FRMD4A: variants seen among roughly 807,000 people sequenced by gnomAD.
FRMD4A encodes FERM domain-containing protein 4A.
A neutral mutation model predicts 129.1 loss-of-function variants in FRMD4A; 29 were observed. The observed-to-expected ratio is 0.22, with a 90% CI of 0.17 to 0.31. The LOEUF (loss-of-function observed/expected upper bound fraction) is 0.31. FRMD4A is among the 10% of genes least tolerant of loss of function. The probability of loss-of-function intolerance (pLI) is 1.00; values close to 1 mark genes in which losing one functional copy is unlikely to be tolerated. For missense variants in FRMD4A, 1,272 were observed against 1,375.8 expected (o/e 0.92, Z 1.19); for synonymous variants, 634 against 571.6 (o/e 1.11, Z -1.56).
chr10:13,775,208 T>C (rs1192559588), intron 6 of FRMD4A, among the ~76,000 whole-genome samples: 1 of 152,178 alleles, frequency 6.6e-6, no homozygotes, highest in Non-Finnish European at 1.5e-5. Context: ...TAAAAAAGAA[T>C]GCATGTCACG....
intron 4 of FRMD4A, among the ~76,000 whole-genome samples, chr10:13,797,000 G>C (rs184439147): frequency 2.0e-4 from 31 of 152,266 alleles, no homozygotes; most frequent in South Asian, 1.2e-3. Context: ...GATTACAGGC[G>C]TGAGCCACTG....
intron 2 of FRMD4A, chr10:14,008,121 C>A (rs1303710464): frequency 1.5e-6 from 2 of 1,298,884 alleles, no homozygotes; most frequent in East Asian, 1.1e-4. Flanking sequence ...TCTTTGGGAT[C>A]TATTCGGAGC....
intron 2 of FRMD4A, among the ~76,000 whole-genome samples, chr10:14,084,261 C>A (rs954702014): frequency 1.3e-5 from 2 of 152,300 alleles, no homozygotes; most frequent in Admixed American, 6.5e-5. Flanking sequence ...ATTCTCTTCC[C>A]TCAGCCTCCT....
chr10:14,244,067 G>A (rs547758323), intron 2 of FRMD4A, among the ~76,000 whole-genome samples: 2 of 152,294 alleles, frequency 1.3e-5, no homozygotes, highest in East Asian at 3.9e-4. Flanking sequence ...TTCCCCAAAG[G>A]TGAGGGAGCA....
intron 3 of FRMD4A, among the ~76,000 whole-genome samples, chr10:13,846,964 A>G (rs946578008): frequency 6.6e-6 from 1 of 152,302 alleles, no homozygotes; most frequent in African/African-American, 2.4e-5. Context: ...CAGGGTGGCA[A>G]ATGTCTACAC....
intron 5 of FRMD4A, among the ~76,000 whole-genome samples, chr10:13,785,715 G>A (rs747224029): frequency 6.6e-6 from 1 of 152,034 alleles, no homozygotes; most frequent in Non-Finnish European, 1.5e-5. Context: ...TTGGTGTGCT[G>A]CACCTGTTAA....
chr10:13,890,085 G>A (rs1156398691), intron 2 of FRMD4A, among the ~76,000 whole-genome samples: 1 of 152,188 alleles, frequency 6.6e-6, no homozygotes, highest in African/African-American at 2.4e-5. Context: ...GGTTGCAAGA[G>A]ACAAGTAACA....
At position 13,715,492 on chromosome 10, in the gene FRMD4A, C is replaced by T. The variant is rs114336550; in HGVS notation, c.760-8379G>A. On this transcript the variant is annotated intron_variant, in intron 12 of 24. Coordinates refer to ENST00000357447, the MANE Select transcript of FRMD4A (RefSeq NM_018027.5). The stretch of plus-strand genomic sequence containing the variant: ...GTATTCTCAGCAATTGAATTTGTGC[C>T]TTAGTTTTTTCATCTTTGAAATAAT... Among the ~76,000 whole-genome samples the T allele has an allele frequency of 4.8e-3, 727 of 152,282 alleles. 6 individuals carry two copies. The highest frequency in any genetic ancestry group is 0.016 in the African/African-American group (682 of 41,556).
At chr10:13,952,612 C>G (rs2095380470) in intron 2 of FRMD4A, among the ~76,000 whole-genome samples, 1 of 152,200 alleles carries the variant, frequency 6.6e-6, no homozygotes, top group Admixed American at 6.5e-5. Context: ...AGCAGAAATT[C>G]TAGAAGCATG....
chr10:13,675,178 G>A, intron 15 of FRMD4A, 134 bp from the exon 16 acceptor site: 1 of 751,580 alleles, frequency 1.3e-6, no homozygotes, highest in East Asian at 2.5e-5. Flanking sequence ...AATAAAACAG[G>A]TGCTCAGCAC....
intron 2 of FRMD4A, among the ~76,000 whole-genome samples, chr10:14,218,491 T>C (rs1294322412): frequency 3.9e-5 from 6 of 152,206 alleles, no homozygotes; most frequent in Admixed American, 3.9e-4. Context: ...TGAAGTTCTT[T>C]GTATTTACAA....
intron 15 of FRMD4A, chr10:13,693,266 T>C (rs1401496843): frequency 6.1e-6 from 1 of 164,818 alleles, no homozygotes; most frequent in Non-Finnish European, 1.3e-5. Context: ...TTTCAGTAAA[T>C]GACACCCCCC....
chr10:14,047,324 T>A (rs1400848434), intron 2 of FRMD4A, among the ~76,000 whole-genome samples: 1 of 152,172 alleles, frequency 6.6e-6, no homozygotes, highest in Non-Finnish European at 1.5e-5. Flanking sequence ...AATCGGCTGG[T>A]ACCTCACAGT....
intron 2 of FRMD4A, among the ~76,000 whole-genome samples, chr10:13,933,379 G>A (rs1004279004): frequency 2.6e-5 from 4 of 152,086 alleles, no homozygotes; most frequent in Non-Finnish European, 4.4e-5. Context: ...ATTCTGTAAC[G>A]AGGCCCTTGA....
intron 2 of FRMD4A, among the ~76,000 whole-genome samples, chr10:14,070,860 C>T (rs1835285527): frequency 6.6e-6 from 1 of 152,098 alleles, no homozygotes; most frequent in African/African-American, 2.4e-5. Context: ...TTTAAAGATC[C>T]CTGACTTGTT....
chr10:13,682,497 C>CTTTTTTT (rs1170963559), intron 15 of FRMD4A, among the ~76,000 whole-genome samples: 3 of 55,800 alleles, frequency 5.4e-5, no homozygotes, highest in East Asian at 2.8e-4. Flanking sequence ...TTCTTTCTTT[C>CTTTTTTT]TTTTTTTTTT....
At chr10:14,156,320 A>G (rs138493653) in intron 2 of FRMD4A, among the ~76,000 whole-genome samples, 75 of 152,276 alleles carry the variant, frequency 4.9e-4, no homozygotes, top group African/African-American at 1.8e-3. Context: ...ACAATAATAC[A>G]CACCCATTTT....
At chr10:14,071,294 T>C (rs1176085719) in intron 2 of FRMD4A, among the ~76,000 whole-genome samples, 2 of 152,218 alleles carry the variant, frequency 1.3e-5, no homozygotes, top group East Asian at 1.9e-4. Flanking sequence ...TAAATCAGGC[T>C]GGCATCTTGG....
At chr10:13,886,581 T>C (rs930877495) in intron 2 of FRMD4A, among the ~76,000 whole-genome samples, 12 of 152,146 alleles carry the variant, frequency 7.9e-5, no homozygotes, top group African/African-American at 2.9e-4. Flanking sequence ...TTTTTTTTCC[T>C]TTATTTTTAT....
Sources: allele counts gnomAD v4.1 joint callset (sites outside exome capture counted in the v4.1 genomes callset), GRCh38; gene constraint gnomAD v4.1.1; transcripts MANE v1.5; gene names NCBI Gene and HGNC (gene_info 2026-07-23, HGNC 2026-07-21).